Variants in PECAM1 observed in about 807,000 individuals in gnomAD.
PECAM1 encodes platelet endothelial cell adhesion molecule.
PECAM1 carries 8 observed loss-of-function variants against 13.8 expected under a neutral mutation model. The observed-to-expected ratio is 0.58, with a 90% CI of 0.34 to 1.05. The LOEUF is 1.05. Among genes scored for constraint, PECAM1 ranks in the 50% least tolerant of loss-of-function variants. The pLI, the probability that PECAM1 is intolerant of heterozygous loss-of-function variation, is 0.03. For synonymous variants in PECAM1, 136 were observed against 52.6 expected (o/e 2.58, Z -6.86); for missense variants, 304 against 141.2 (o/e 2.15, Z -5.84).
intron 2 of PECAM1, among the ~76,000 whole-genome samples, chr17:64,379,605 C>G (rs985965375): frequency 2.6e-5 from 4 of 152,166 alleles, no homozygotes; most frequent in African/African-American, 7.2e-5. Context: ...CACTCACTAG[C>G]TTCCCTGTGG....
chr17:64,373,931 T>C (rs1237924293), intron 4 of PECAM1, among the ~76,000 whole-genome samples: 1 of 152,198 alleles, frequency 6.6e-6, no homozygotes, highest in African/African-American at 2.4e-5. Flanking sequence ...GAGCCCTGTA[T>C]GTCCTGGACA....
intron 4 of PECAM1, among the ~76,000 whole-genome samples, chr17:64,372,653 C>G (rs1462762321): frequency 6.6e-6 from 1 of 152,004 alleles, no homozygotes; most frequent in Non-Finnish European, 1.5e-5. Flanking sequence ...CAGGTGCCCA[C>G]CACCACGCTT....
intron 5 of PECAM1, among the ~76,000 whole-genome samples, chr17:64,364,188 A>G (rs2036049786): frequency 6.6e-6 from 1 of 152,196 alleles, no homozygotes; most frequent in African/African-American, 2.4e-5. Flanking sequence ...AGAGAATACT[A>G]CAAACACCTC....
chr17:64,322,844 T>A lies in PECAM1; in HGVS notation c.*972A>T. 1 of 342,288 alleles carries A rather than the reference T, an allele frequency of 2.9e-6. No homozygotes were observed. The highest frequency in any genetic ancestry group is 2.2e-5 in the African/African-American group (1 of 45,118). 21.2% of individuals were successfully genotyped at this position (342,288 alleles called of 1,614,324 possible). A position where few individuals can be genotyped will look rare whatever the true frequency, so the allele number is the denominator to read the frequency against. On this transcript the variant is annotated 3_prime_UTR_variant, in exon 16 of 16. Transcript: ENST00000563924. ...GATAATCTCACCTCAGCCTCTTGAG[T>A]AGCTGATACTACAGGCATGCGCCAC...
chr17:64,357,853 C>CGTT (rs2035879968), intron 7 of PECAM1, among the ~76,000 whole-genome samples: 1 of 152,178 alleles, frequency 6.6e-6, no homozygotes, highest in Admixed American at 6.6e-5. Flanking sequence ...ACATTAGCCT[C>CGTT]TAACGTACCA....
intron 11 of PECAM1, among the ~76,000 whole-genome samples, chr17:64,351,075 A>C (rs1233534996): frequency 1.3e-5 from 2 of 151,988 alleles, no homozygotes; most frequent in Non-Finnish European, 2.9e-5. Flanking sequence ...ACAGGGTTAC[A>C]CCATGTTGGC....
chr17:64,325,425 T>C (rs1466504441), intron 15 of PECAM1, among the ~76,000 whole-genome samples: 4 of 151,228 alleles, frequency 2.6e-5, no homozygotes, highest in Non-Finnish European at 5.9e-5. Context: ...ATTATGTATA[T>C]TTTATGACAA....
chr17:64,376,259 C>T (rs1308384224), intron 3 of PECAM1, among the ~76,000 whole-genome samples: 5 of 151,898 alleles, frequency 3.3e-5, no homozygotes, highest in Admixed American at 6.6e-5. Flanking sequence ...GAGCTGAGAT[C>T]GTGCCACTGC....
intron 5 of PECAM1, among the ~76,000 whole-genome samples, chr17:64,366,106 T>C (rs2036098332): frequency 6.9e-6 from 1 of 145,198 alleles, no homozygotes; most frequent in Non-Finnish European, 1.5e-5. Context: ...GAATCTACAA[T>C]GAACTCAAAC....
chr17:64,384,315 AAAC>A (rs2036546650), intron 2 of PECAM1, among the ~76,000 whole-genome samples: 1 of 152,036 alleles, frequency 6.6e-6, no homozygotes, highest in African/African-American at 2.4e-5. Context: ...ATCATCGACA[AAAC>A]AACAAAAACA....
chr17:64,324,230 A>G (rs1479576840), intron 15 of PECAM1, among the ~76,000 whole-genome samples: 1 of 152,162 alleles, frequency 6.6e-6, no homozygotes, highest in Non-Finnish European at 1.5e-5. Flanking sequence ...CACCCACTCA[A>G]GACATTGTCA....
chr17:64,327,678 C>A (rs1555645940), intron 15 of PECAM1, among the ~76,000 whole-genome samples: 1 of 152,192 alleles, frequency 6.6e-6, no homozygotes, highest in South Asian at 2.1e-4. Context: ...GTCGGCCACA[C>A]ACACAATTTA....
In PECAM1 at chr17:64,369,859, G is replaced by T. The variant is rs2036201944; in HGVS notation, c.858C>A (p.Asn286Lys). 1 of 398,528 alleles carries T rather than the reference G, an allele frequency of 2.5e-6. No individual in the cohort carries two copies. Among genetic ancestry groups the T allele is most frequent in the South Asian group, 1.3e-4 (1 of 7,860 alleles). 24.7% of individuals were successfully genotyped at this position (398,528 alleles called of 1,614,324 possible). A position where few individuals can be genotyped will look rare whatever the true frequency, so the allele number is the denominator to read the frequency against. Reference protein sequence around the residue: ...KAIVAHNRHGNKAVYSVMAMV... With the variant: ...KAIVAHNRHGKKAVYSVMAMV... ...TGGCCATGACTGAGTACACAGCCTTGTTGCCATGTCTGTTGTGGGCCACAA... is the reference window on the plus strand; with the variant it reads ...TGGCCATGACTGAGTACACAGCCTTTTTGCCATGTCTGTTGTGGGCCACAA... Residue 286 changes from asparagine (N) to lysine (K), a missense_variant, in exon 5 of 16, where the codon AAC (asparagine) becomes AAA (lysine). By Grantham distance (94) the Asn-to-Lys change is moderately conservative (BLOSUM62 0). Transcript: ENST00000563924.
chr17:64,331,845 G>A (rs1355107291), intron 14 of PECAM1, among the ~76,000 whole-genome samples: 1 of 152,256 alleles, frequency 6.6e-6, no homozygotes, highest in African/African-American at 2.4e-5. Context: ...CCCAAGAGGA[G>A]ATGTGGGCAT....
chr17:64,358,111 C>CTTTTTTTTTTT lies in PECAM1; in HGVS notation c.1493-1724_1493-1714dup, dbSNP rs141671796. 4.6e-4 allele frequency among the ~76,000 whole-genome samples: 33 copies of CTTTTTTTTTTT among 71,546 alleles called. 5 individuals carry two copies. Among genetic ancestry groups the CTTTTTTTTTTT allele is most frequent in the East Asian group, 1.1e-3 (2 of 1,868 alleles). The allele number at this position is 71,546 out of a possible 152,430, so 46.9% of individuals were successfully genotyped here. On this transcript the variant is annotated intron_variant, in intron 7 of 15. Transcript: ENST00000563924. ...TCCAGCCATCTGATTTGGCCACAGT[C>CTTTTTTTTTTT]TTTTTTTTTTTTTTTTTTTTTTTTT... is the stretch of plus-strand genomic sequence containing the variant.
At chr17:64,362,150 T>C in intron 6 of PECAM1, among the ~76,000 whole-genome samples, 1 of 152,188 alleles carries the variant, frequency 6.6e-6, no homozygotes, top group East Asian at 1.9e-4. Flanking sequence ...ACCAACAGCA[T>C]CCACATCACC....
intron 13 of PECAM1, among the ~76,000 whole-genome samples, chr17:64,346,093 G>C (rs957897768): frequency 3.9e-5 from 6 of 152,140 alleles, no homozygotes; most frequent in Non-Finnish European, 8.8e-5. Context: ...AGCCTGCACA[G>C]TCAGGAAAAC....
chr17:64,375,745 C>T (rs8076818), intron 3 of PECAM1, among the ~76,000 whole-genome samples: 120,627 of 151,496 alleles, frequency 0.8, 54,153 homozygotes, highest in East Asian at 1. Context: ...GGAGAATCAC[C>T]TGAGCCGAGG....
At chr17:64,325,775 C>T (rs1232985112) in intron 15 of PECAM1, among the ~76,000 whole-genome samples, 3 of 152,036 alleles carry the variant, frequency 2.0e-5, no homozygotes, top group African/African-American at 7.2e-5. Context: ...AAAAAAACAC[C>T]CACAAAAGGA....
Sources: gnomAD v4.1 joint callset for allele counts (sites outside exome capture counted in the v4.1 genomes callset) on GRCh38, gnomAD v4.1.1 for gene constraint, MANE v1.5 for transcripts, NCBI Gene and HGNC (gene_info 2026-07-23, HGNC 2026-07-21) for gene names.